The following ALG9 variants were observed in gnomAD, a reference collection of about 807,000 sequenced individuals.
ALG9 encodes the protein alpha-1,2-mannosyltransferase ALG9.
A neutral mutation model predicts 81.8 loss-of-function variants in ALG9; 55 were observed. The ratio of observed to expected loss-of-function variants is 0.67; its 90% CI spans 0.54 to 0.84. ALG9 has a LOEUF of 0.84. Ranked by LOEUF, ALG9 falls within the 40% of genes least tolerant of loss-of-function variation. ALG9 has a pLI of 0.00. For synonymous variants in ALG9, 278 were observed against 274.3 expected (o/e 1.01, Z -0.13); for missense variants, 629 against 745.0 (o/e 0.84, Z 1.81).
chr11:111,865,753 T>C (rs1472705042), intron 3 of ALG9, among the ~76,000 whole-genome samples: 3 of 152,190 alleles, frequency 2.0e-5, no homozygotes, highest in Admixed American at 6.5e-5. Context: ...GGACACTATA[T>C]GCATGTGGAA....
At position 111,836,198 on chromosome 11, in the gene ALG9, C is replaced by A. The variant is rs781912775; in HGVS notation, c.1569G>T (p.Met523Ile). The change falls in exon 13 of 15, where the codon ATG (methionine) becomes ATT (isoleucine). Residue 523 changes from methionine (M) to isoleucine (I), a missense_variant. Physicochemically the swap from Met to Ile is conservative, Grantham distance 10. This residue lies in a region of ALG9 where 264 missense variants were observed against 302.2 expected (regional missense o/e 0.87). Transcript: ENST00000616540. Reference protein sequence around the residue: ...PLATRIVPTDMNDQNLEEPSR... With the variant: ...PLATRIVPTDINDQNLEEPSR... ...ATGGCTCTTCTAGATTCTGGTCATTCATGTCAGTAGGAACAATCCGGGTGG... is the reference window on the plus strand; with the variant it reads ...ATGGCTCTTCTAGATTCTGGTCATTAATGTCAGTAGGAACAATCCGGGTGG... The A allele has an allele frequency of 6.2e-7, 1 of 1,613,974 alleles. No homozygotes were observed. The highest frequency in any genetic ancestry group is 1.1e-5 in the South Asian group (1 of 91,074).
chr11:111,826,774 C>T (rs560919472), intron 13 of ALG9, among the ~76,000 whole-genome samples: 24 of 152,306 alleles, frequency 1.6e-4, no homozygotes, highest in African/African-American at 4.1e-4. Context: ...GATAGTCTCA[C>T]ATGATTCCTT....
intron 13 of ALG9, among the ~76,000 whole-genome samples, chr11:111,813,063 C>G (rs1950975092): frequency 0.019 from 1 of 52 alleles, no homozygotes; most frequent in Non-Finnish European, 0.029. Flanking sequence ...TGTCTTTTCA[C>G]CAGCTGGTGT....
intron 9 of ALG9, among the ~76,000 whole-genome samples, chr11:111,842,811 A>G (rs1956424881): frequency 6.6e-6 from 1 of 152,232 alleles, no homozygotes; most frequent in African/African-American, 2.4e-5. Context: ...TACTAGGTAG[A>G]TATGTGCATA....
chr11:111,870,324 T>A lies in ALG9; in HGVS notation c.178A>T (p.Thr60Ser), dbSNP rs1963886270. ...AGQVWAPEGS[T>S]AFKCLLSARL... Reference sequence around the variant, plus strand: ...GCTGAAAGCAGACACTTGAAAGCAGTAGATCCTTCAGGTGCCCAGACTTGT... The same window carrying A: ...GCTGAAAGCAGACACTTGAAAGCAGAAGATCCTTCAGGTGCCCAGACTTGT... The change falls in exon 2 of 15, where the codon ACT becomes TCT. Residue 60 changes from threonine (T) to serine (S), a missense_variant. Physicochemically the swap from Thr to Ser is moderately conservative, Grantham distance 58. Coordinates refer to ENST00000616540, the MANE Select transcript of ALG9 (RefSeq NM_024740.2). 6.3e-7 allele frequency: 1 copy of A among 1,599,026 alleles called. No individual in the cohort carries two copies. The highest frequency in any genetic ancestry group is 1.1e-5 in the South Asian group (1 of 90,206).
At chr11:111,827,403 T>C (rs962948476) in intron 13 of ALG9, among the ~76,000 whole-genome samples, 15 of 151,198 alleles carry the variant, frequency 9.9e-5, no homozygotes, top group Admixed American at 2.6e-4. Flanking sequence ...TTGAACCCGG[T>C]AGTGGGAGGT....
the ALG9 span, among the ~76,000 whole-genome samples, chr11:111,772,786 A>G: frequency 6.6e-6 from 1 of 152,238 alleles, no homozygotes; most frequent in South Asian, 2.1e-4. Flanking sequence ...GACCCACATG[A>G]AAGAATGAAA....
Position 111,782,757 on chromosome 11 carries a change from C to T in ALG9, c.*3640G>A, listed in dbSNP as rs1479110176. 4 of 152,252 alleles carry T rather than the reference C, an allele frequency of 2.6e-5. No homozygotes were observed. The highest frequency in any genetic ancestry group is 7.2e-5 in the African/African-American group (3 of 41,546). The allele number at this position is 152,252 out of a possible 1,614,324, so 9.4% of individuals were successfully genotyped here. Reference sequence around the variant, plus strand: ...ACTGGAGCTTTGCCCAAATGGTCACCGTAGACCTCATGCTGCAGAATCATA... The same window carrying T: ...ACTGGAGCTTTGCCCAAATGGTCACTGTAGACCTCATGCTGCAGAATCATA... On this transcript the variant is annotated 3_prime_UTR_variant, in exon 15 of 15. Coordinates refer to ENST00000616540, the MANE Select transcript of ALG9 (RefSeq NM_024740.2).
Position 111,837,485 on chromosome 11 carries a change from G to A in ALG9, c.1455C>T (p.Ser485=). Residue 485 remains serine, a synonymous_variant, in exon 12 of 15, where the codon AGC becomes AGT. Transcript: ENST00000616540. The stretch of plus-strand genomic sequence containing the variant: ...CAACTTACTTGTCAGGAAGAAGGAA[G>A]CTGCTGGGAAATCGATACCACTCTT... ...VGKEWYRFPS[S]FLLPDNWQLQ... The A allele has an allele frequency of 6.2e-7, 1 of 1,614,182 alleles. No homozygotes were observed. The highest frequency in any genetic ancestry group is 8.5e-7 in the Non-Finnish European group (1 of 1,180,036).
At chr11:111,855,479 G>A (rs1163003827) in intron 6 of ALG9, among the ~76,000 whole-genome samples, 1 of 152,128 alleles carries the variant, frequency 6.6e-6, no homozygotes, top group African/African-American at 2.4e-5. Flanking sequence ...CAGGAACAAG[G>A]GGGAGTGAAG....
At position 111,809,714 on chromosome 11, in the gene ALG9, C is replaced by T. The variant is rs1555089298; in HGVS notation, c.1662G>A (p.Arg554=). 1 of 1,613,934 alleles carries T rather than the reference C, an allele frequency of 6.2e-7. No individual in the cohort carries two copies. Among genetic ancestry groups the T allele is most frequent in the African/African-American group, 1.3e-5 (1 of 74,882 alleles). The change falls in exon 14 of 15, where the codon CGG becomes CGA. Residue 554 remains arginine (R), a synonymous_variant. Transcript: ENST00000616540. ...VDLDTMRETP[R]EPKYSSNKEE... ...CTTTATTGGATGAATATTTTGGCTC[C>T]CGGGGTGTTTCTCTCATGGTGTCCA...
intron 14 of ALG9, among the ~76,000 whole-genome samples, chr11:111,790,093 C>G (rs2136216400): frequency 1.3e-5 from 2 of 152,114 alleles, no homozygotes; most frequent in South Asian, 4.2e-4. Flanking sequence ...CACTAACTAG[C>G]AGCCGGGCGC....
chr11:111,851,910 T>C (rs559199494), intron 8 of ALG9, among the ~76,000 whole-genome samples: 49 of 152,330 alleles, frequency 3.2e-4, no homozygotes, highest in African/African-American at 1.1e-3. Flanking sequence ...TTTAAAGTTC[T>C]TTCACTTAGT....
chr11:111,789,070 T>C (rs147738262), intron 14 of ALG9, among the ~76,000 whole-genome samples: 3,219 of 152,062 alleles, frequency 0.021, 107 homozygotes, highest in African/African-American at 0.073. Flanking sequence ...CTTGAACTCC[T>C]GGGCTCAAGC....
intron 11 of ALG9, among the ~76,000 whole-genome samples, chr11:111,838,040 G>A (rs902032464): frequency 1.3e-5 from 2 of 152,172 alleles, no homozygotes; most frequent in Non-Finnish European, 2.9e-5. Flanking sequence ...AAAATGTACA[G>A]TTAATCACAC....
intron 14 of ALG9, among the ~76,000 whole-genome samples, chr11:111,808,671 G>A (rs1466678881): frequency 6.6e-6 from 1 of 152,128 alleles, no homozygotes; most frequent in Non-Finnish European, 1.5e-5. Context: ...CCGTTTCTGA[G>A]CCCCAGACCT....
intron 4 of ALG9, among the ~76,000 whole-genome samples, chr11:111,862,168 T>A (rs1462888077): frequency 6.6e-6 from 1 of 152,110 alleles, no homozygotes; most frequent in Non-Finnish European, 1.5e-5. Context: ...CCGCATTCTA[T>A]CATCTCCTTC....
intron 14 of ALG9, among the ~76,000 whole-genome samples, chr11:111,793,577 T>G (rs576818687): frequency 1.3e-5 from 2 of 151,820 alleles, no homozygotes; most frequent in Non-Finnish European, 2.9e-5. Flanking sequence ...CTGGCTAACA[T>G]GGTGAAACCC....
intron 14 of ALG9, among the ~76,000 whole-genome samples, chr11:111,799,686 G>C (rs1300419117): frequency 6.6e-6 from 1 of 152,030 alleles, no homozygotes; most frequent in African/African-American, 2.4e-5. Context: ...AAGTCTCTTT[G>C]CTCGGGTCAC....
Sources: gnomAD v4.1 joint callset for allele counts (sites outside exome capture counted in the v4.1 genomes callset) on GRCh38, gnomAD v4.1.1 for gene constraint, gnomAD v4.1.1 regional missense constraint, MANE v1.5 for transcripts, NCBI Gene and HGNC (gene_info 2026-07-23, HGNC 2026-07-21) for gene names.